CSMD3: variants seen among roughly 807,000 people sequenced by gnomAD.
The protein encoded by CSMD3 is CUB and sushi domain-containing protein 3.
In CSMD3, 177 loss-of-function variants were observed where a neutral mutation model predicts 435.2. That is an observed-to-expected ratio of 0.41 (90% CI 0.36 to 0.46). The LOEUF (loss-of-function observed/expected upper bound fraction) is 0.46. Among genes scored for constraint, CSMD3 ranks in the 20% least tolerant of loss-of-function variants. The pLI, the probability that CSMD3 is intolerant of heterozygous loss-of-function variation, is 0.34. For synonymous variants in CSMD3, 1,656 were observed against 1,520.5 expected, an observed-to-expected ratio of 1.09 and a Z score of -2.07; for missense variants, 4,265 against 4,504.6, an observed-to-expected ratio of 0.95 and a Z score of 1.52.
intron 16 of CSMD3, among the ~76,000 whole-genome samples, chr8:112,672,283 T>C (rs1216731191): frequency 2.6e-5 from 4 of 151,998 alleles, no homozygotes; most frequent in African/African-American, 9.7e-5. Flanking sequence ...CACTAATCTG[T>C]GTGGGGGAAA....
chr8:113,094,942 G>A (rs1244018763), intron 5 of CSMD3, among the ~76,000 whole-genome samples: 8 of 151,738 alleles, frequency 5.3e-5, no homozygotes, highest in East Asian at 1.9e-4. Context: ...GTGGTGGCAC[G>A]CCCCTGTAAT....
At chr8:112,597,142 A>C (rs1030309208) in intron 22 of CSMD3, among the ~76,000 whole-genome samples, 71 of 151,464 alleles carry the variant, frequency 4.7e-4, no homozygotes, top group Non-Finnish European at 8.9e-4. Flanking sequence ...AGAAGAAAAG[A>C]GAGAAGAGTC....
At chr8:113,411,058 AGGAAGGAAGGAAGGAT>A in intron 1 of CSMD3, among the ~76,000 whole-genome samples, 1 of 149,752 alleles carries the variant, frequency 6.7e-6, no homozygotes, top group Non-Finnish European at 1.5e-5. Context: ...AAAGATAGGA[AGGAAGGAAGGAAGGAT>A]GGAAGGAAGG....
chr8:113,014,301 G>C (rs1382716620), intron 6 of CSMD3, among the ~76,000 whole-genome samples: 1 of 152,048 alleles, frequency 6.6e-6, no homozygotes, highest in Non-Finnish European at 1.5e-5. Context: ...ACAATTATTT[G>C]TTCTGCAAAT....
At chr8:112,416,743 G>T (rs1319683) in intron 32 of CSMD3, among the ~76,000 whole-genome samples, 34,447 of 151,752 alleles carry the variant, frequency 0.23, 4,260 homozygotes, top group East Asian at 0.44. Flanking sequence ...ATTTCAATTT[G>T]TTTGTCATTT....
chr8:113,018,961 A>T, intron 6 of CSMD3, 106 bp downstream of exon 6: 2 of 798,798 alleles, frequency 2.5e-6, no homozygotes, highest in Non-Finnish European at 4.4e-6. Context: ...TTCAATACAA[A>T]TTCCAATTTC....
At chr8:112,424,714 G>A (rs1812875175) in intron 32 of CSMD3, among the ~76,000 whole-genome samples, 1 of 151,314 alleles carries the variant, frequency 6.6e-6, no homozygotes, top group African/African-American at 2.4e-5. Context: ...TTTATTTGAG[G>A]CGGAGTCTCA....
rs183283476 is a variant in CSMD3, at chr8:112,634,112, A to T, written c.3715+2705T>A. 8.0e-4 allele frequency among the ~76,000 whole-genome samples: 121 copies of T among 152,134 alleles called. 1 individual carries two copies. In the East Asian group the frequency reaches 0.021, roughly 26 times the overall value. Reference sequence around the variant, plus strand: ...AGAGAATTGGTGTTAGGGTATATGAAATAAAAAGTACAAAGAGGTTAAGAA... The same window carrying T: ...AGAGAATTGGTGTTAGGGTATATGATATAAAAAGTACAAAGAGGTTAAGAA... On this transcript the variant is annotated intron_variant, in intron 22 of 70. Transcript: ENST00000297405.
intron 32 of CSMD3, among the ~76,000 whole-genome samples, chr8:112,421,113 AATC>A (rs1337694647): frequency 6.6e-6 from 1 of 152,144 alleles, no homozygotes; most frequent in Non-Finnish European, 1.5e-5. Flanking sequence ...TTGCAAAAAA[AATC>A]ATCACCAGTC....
chr8:112,403,067 C>T (rs972982212), intron 35 of CSMD3, among the ~76,000 whole-genome samples: 1 of 152,124 alleles, frequency 6.6e-6, no homozygotes, highest in Non-Finnish European at 1.5e-5. Context: ...ATAGGCGGAA[C>T]ATTAAGTCCA....
intron 5 of CSMD3, among the ~76,000 whole-genome samples, chr8:113,093,298 G>C (rs1355423802): frequency 2.0e-5 from 3 of 151,740 alleles, no homozygotes; most frequent in Non-Finnish European, 4.4e-5. Context: ...AAAAAAGCTG[G>C]GTAGATGCCA....
At chr8:112,830,203 TAACATGCAGA>T (rs1273488961) in intron 11 of CSMD3, among the ~76,000 whole-genome samples, 2 of 152,194 alleles carry the variant, frequency 1.3e-5, no homozygotes, top group Non-Finnish European at 2.9e-5. Flanking sequence ...TTTATAAAGT[TAACATGCAGA>T]AACAGAGTGT....
intron 3 of CSMD3, among the ~76,000 whole-genome samples, chr8:113,200,872 T>C (rs951378332): frequency 3.6e-4 from 54 of 151,848 alleles, no homozygotes; most frequent in African/African-American, 1.2e-3. Flanking sequence ...TTCTTCTGTA[T>C]AGAGGTTATA....
chr8:112,254,662 A>G (rs1815616167), intron 62 of CSMD3, among the ~76,000 whole-genome samples: 2 of 152,112 alleles, frequency 1.3e-5, no homozygotes, highest in South Asian at 4.1e-4. Flanking sequence ...TTGTCCAAAG[A>G]CCTTGCTAAA....
At chr8:112,901,767 C>G (rs1244409784) in intron 10 of CSMD3, among the ~76,000 whole-genome samples, 1 of 151,180 alleles carries the variant, frequency 6.6e-6, no homozygotes, top group African/African-American at 2.4e-5. Context: ...ATTTAGTAGA[C>G]AGGATAGTTC....
chr8:112,601,058 A>G (rs1462074577), intron 22 of CSMD3, among the ~76,000 whole-genome samples: 2 of 152,162 alleles, frequency 1.3e-5, no homozygotes, highest in Non-Finnish European at 2.9e-5. Flanking sequence ...ACTAAGAAAA[A>G]GAGAGATTCA....
intron 2 of CSMD3, among the ~76,000 whole-genome samples, chr8:113,307,201 T>C (rs117482028): frequency 6.6e-6 from 1 of 152,094 alleles, no homozygotes; most frequent in Non-Finnish European, 1.5e-5. Context: ...AAAAACTTAG[T>C]TTATCAAGTA....
chr8:112,617,207 A>G (rs1833727236), intron 22 of CSMD3, among the ~76,000 whole-genome samples: 1 of 152,316 alleles, frequency 6.6e-6, no homozygotes, highest in South Asian at 2.1e-4. Flanking sequence ...TAGATTATGT[A>G]TAGTTAGGTA....
chr8:113,021,684 G>A lies in CSMD3; in HGVS notation c.918-2505C>T, dbSNP rs568778518. On this transcript the variant is annotated intron_variant, in intron 5 of 70. Coordinates refer to ENST00000297405, the MANE Select transcript of CSMD3 (RefSeq NM_198123.2). ...TCCATCTTTTCCAGGGACATGAAAG[G>A]TAATTTCAGTAATAGAGTACAGTAA... Among the ~76,000 whole-genome samples the A allele has an allele frequency of 7.8e-4, 119 of 152,246 alleles. 1 individual carries two copies. Among genetic ancestry groups the A allele is most frequent in the African/African-American group, 2.8e-3 (115 of 41,540 alleles).
Sources: gnomAD v4.1 joint callset for allele counts (sites outside exome capture counted in the v4.1 genomes callset) on GRCh38, gnomAD v4.1.1 for gene constraint, MANE v1.5 for transcripts, NCBI Gene and HGNC (gene_info 2026-07-23, HGNC 2026-07-21) for gene names.